ELOVL6: variants seen among roughly 807,000 people sequenced by gnomAD.
ELOVL6 encodes the protein ELOVL fatty acid elongase 6, also known as very long chain fatty acid elongase 6.
In ELOVL6, 8 loss-of-function variants were observed where a neutral mutation model predicts 31.7. The ratio of observed to expected loss-of-function variants is 0.25; its 90% confidence interval spans 0.15 to 0.45. The LOEUF is 0.45. ELOVL6 is among the 20% of genes least tolerant of loss of function. The pLI, the probability that ELOVL6 is intolerant of heterozygous loss-of-function variation, is 1.00. For synonymous variants in ELOVL6, 101 were observed against 117.7 expected (o/e 0.86, Z 0.92); for missense variants, 126 against 326.4 (o/e 0.39, Z 4.73).
intron 2 of ELOVL6, among the ~76,000 whole-genome samples, chr4:110,079,157 T>C (rs188450002): frequency 2.6e-5 from 4 of 152,220 alleles, no homozygotes; most frequent in East Asian, 1.9e-4. Context: ...TTTAACACCC[T>C]ACTGTCAACA....
intron 1 of ELOVL6, among the ~76,000 whole-genome samples, chr4:110,155,314 C>G (rs1408025473): frequency 6.6e-6 from 1 of 151,802 alleles, no homozygotes; most frequent in East Asian, 1.9e-4. Context: ...TGGTCACATA[C>G]TATTTATTAC....
At chr4:110,130,556 C>T (rs1757638559) in intron 1 of ELOVL6, among the ~76,000 whole-genome samples, 5 of 152,144 alleles carry the variant, frequency 3.3e-5, no homozygotes. Context: ...GCAAAACCAA[C>T]ACAGTAGCCC....
intron 2 of ELOVL6, among the ~76,000 whole-genome samples, chr4:110,075,137 G>A (rs1224927976): frequency 1.3e-5 from 2 of 152,212 alleles, no homozygotes; most frequent in African/African-American, 4.8e-5. Flanking sequence ...CTGTTAGGAT[G>A]TGGAAAAATT....
intron 1 of ELOVL6, among the ~76,000 whole-genome samples, chr4:110,168,474 G>A (rs987206605): frequency 2.6e-5 from 4 of 151,902 alleles, no homozygotes; most frequent in East Asian, 3.9e-4. Context: ...AGCCAAGATC[G>A]TGCCATTGTA....
At chr4:110,098,337 G>A (rs1756649526) in intron 2 of ELOVL6, among the ~76,000 whole-genome samples, 1 of 152,168 alleles carries the variant, frequency 6.6e-6, no homozygotes, top group African/African-American at 2.4e-5. Flanking sequence ...TGCACCACCA[G>A]TATGACCTGA....
At chr4:110,063,802 G>A (rs1301851556) in intron 2 of ELOVL6, among the ~76,000 whole-genome samples, 1 of 151,760 alleles carries the variant, frequency 6.6e-6, no homozygotes, top group East Asian at 1.9e-4. Context: ...TACAGGCTGG[G>A]CACGGTGGCT....
chr4:110,195,728 C>A (rs1318040036), intron 1 of ELOVL6, among the ~76,000 whole-genome samples: 1 of 152,082 alleles, frequency 6.6e-6, no homozygotes, highest in African/African-American at 2.4e-5. Context: ...TGTTAACCTT[C>A]GGGTATTAAC....
chr4:110,155,907 T>C (rs574118407), intron 1 of ELOVL6, among the ~76,000 whole-genome samples: 2 of 152,298 alleles, frequency 1.3e-5, no homozygotes, highest in South Asian at 4.1e-4. Context: ...ACAGCTCATG[T>C]TGAGAACCAC....
intron 1 of ELOVL6, 186 bp downstream of exon 1, chr4:110,198,040 ACACAGGGGCACCCACAGACCT>A: frequency 1.6e-6 from 1 of 615,516 alleles, no homozygotes; most frequent in Non-Finnish European, 2.9e-6. Context: ...GCCGCGGTTC[ACACAGGGGCACCCACAGACCT>A]CGCGCTTCAT....
intron 1 of ELOVL6, among the ~76,000 whole-genome samples, chr4:110,158,657 A>ATATAT: frequency 8.1e-5 from 6 of 74,158 alleles, no homozygotes; most frequent in African/African-American, 4.1e-4. Flanking sequence ...ATATATATAT[A>ATATAT]TTTTTTTTTT....
At chr4:110,075,392 T>TA (rs1295947803) in intron 2 of ELOVL6, among the ~76,000 whole-genome samples, 6 of 151,830 alleles carry the variant, frequency 4.0e-5, no homozygotes, top group Non-Finnish European at 8.8e-5. Flanking sequence ...GATGAATGGA[T>TA]AAAAAAAATG....
chr4:110,094,443 A>AT (rs1470574642), intron 2 of ELOVL6, among the ~76,000 whole-genome samples: 16,831 of 56,030 alleles, frequency 0.3, 2,706 homozygotes, highest in Admixed American at 0.34. Flanking sequence ...ATATATATAT[A>AT]ATATATATAA....
At chr4:110,106,053 T>C (rs144864001) in intron 1 of ELOVL6, among the ~76,000 whole-genome samples, 57 of 152,344 alleles carry the variant, frequency 3.7e-4, no homozygotes, top group Admixed American at 9.8e-4. Flanking sequence ...TGGAACAAGA[T>C]AGCCATTTAA....
chr4:110,158,653 A>ATTT (rs1239958584), intron 1 of ELOVL6, among the ~76,000 whole-genome samples: 6 of 85,254 alleles, frequency 7.0e-5, no homozygotes, highest in African/African-American at 4.0e-4. Context: ...ATATATATAT[A>ATTT]TATATTTTTT....
chr4:110,153,279 A>AG (rs1758330808), intron 1 of ELOVL6, among the ~76,000 whole-genome samples: 3 of 152,370 alleles, frequency 2.0e-5, no homozygotes, highest in Admixed American at 2.0e-4. Flanking sequence ...TGCAGAAAGT[A>AG]GGTAGCTTCC....
chr4:110,068,705 T>C (rs1652109559), intron 2 of ELOVL6, among the ~76,000 whole-genome samples: 1 of 152,204 alleles, frequency 6.6e-6, no homozygotes, highest in Admixed American at 6.6e-5. Context: ...CTCAGCACTA[T>C]CCTTGCATCT....
chr4:110,105,755 G>A, intron 1 of ELOVL6, 127 bp from the exon 2 acceptor site: 1 of 842,334 alleles, frequency 1.2e-6, no homozygotes, highest in Non-Finnish European at 1.8e-6. Flanking sequence ...TCACTGAAGA[G>A]GGAGTCTAGT....
At chr4:110,134,096 T>C (rs1369151783) in intron 1 of ELOVL6, among the ~76,000 whole-genome samples, 1 of 152,188 alleles carries the variant, frequency 6.6e-6, no homozygotes, top group East Asian at 1.9e-4. Context: ...AATTAACAAA[T>C]AACTCTGAGG....
chr4:110,117,904 A>AAAAAAAAAAAAAAAT (rs1757224623), intron 1 of ELOVL6: 2 of 7,410 alleles, frequency 2.7e-4, no homozygotes, highest in African/African-American at 7.4e-4. Flanking sequence ...AAAAAAAAAA[A>AAAAAAAAAAAAAAAT]TATATATATA....
Sources: gnomAD v4.1 joint callset for allele counts (sites outside exome capture counted in the v4.1 genomes callset) on GRCh38, gnomAD v4.1.1 for gene constraint, MANE v1.5 for transcripts, NCBI Gene and HGNC (gene_info 2026-07-23, HGNC 2026-07-21) for gene names.